XPO6: variants seen among roughly 807,000 people sequenced by gnomAD.
XPO6 encodes the protein exportin 6.
In XPO6, 3 loss-of-function variants were observed where a neutral mutation model predicts 130.0. That is an observed-to-expected ratio of 0.02 (90% CI 0.01 to 0.06). The LOEUF (loss-of-function observed/expected upper bound fraction) is 0.06. Among genes scored for constraint, XPO6 ranks in the 10% least tolerant of loss-of-function variants. XPO6 has a pLI of 1.00. For synonymous variants in XPO6, 524 were observed against 548.9 expected (o/e 0.95, Z 0.63); for missense variants, 970 against 1,393.0 (o/e 0.70, Z 4.83).
intron 2 of XPO6, among the ~76,000 whole-genome samples, chr16:28,179,801 A>T (rs1416670615): frequency 6.6e-6 from 1 of 152,170 alleles, no homozygotes; most frequent in Non-Finnish European, 1.5e-5. Flanking sequence ...ACTAGGTACA[A>T]AGAGAACTGA....
intron 4 of XPO6, among the ~76,000 whole-genome samples, chr16:28,175,260 T>A (rs1265649353): frequency 6.6e-6 from 1 of 152,028 alleles, no homozygotes; most frequent in African/African-American, 2.4e-5. Context: ...CCCTGCCTCT[T>A]TCCCTCTCAC....
intron 1 of XPO6, among the ~76,000 whole-genome samples, chr16:28,210,307 A>T (rs2044105658): frequency 6.6e-6 from 1 of 152,164 alleles, no homozygotes; most frequent in Non-Finnish European, 1.5e-5. Flanking sequence ...TCTGTATCAC[A>T]AAAGATGCAG....
intron 6 of XPO6, among the ~76,000 whole-genome samples, chr16:28,160,116 T>G (rs1046657299): frequency 7.9e-6 from 1 of 127,174 alleles, no homozygotes; most frequent in African/African-American, 3.1e-5. Context: ...ACCCGGGAGG[T>G]GGAGGTTGCA....
At chr16:28,207,335 T>G (rs938343473) in intron 1 of XPO6, among the ~76,000 whole-genome samples, 7 of 151,834 alleles carry the variant, frequency 4.6e-5, no homozygotes, top group Non-Finnish European at 8.8e-5. Flanking sequence ...AATGCTAATA[T>G]AAGCAAAAAC....
intron 1 of XPO6, among the ~76,000 whole-genome samples, chr16:28,206,888 T>A (rs2044039397): frequency 6.6e-6 from 1 of 152,110 alleles, no homozygotes. Context: ...TGACATGCCA[T>A]GTGAGTGGCT....
chr16:28,128,756 C>T (rs1456482844), intron 12 of XPO6, among the ~76,000 whole-genome samples: 2 of 152,162 alleles, frequency 1.3e-5, no homozygotes, highest in Non-Finnish European at 2.9e-5. Context: ...GGGAGCCCTT[C>T]CATCTCTGGA....
At chr16:28,149,121 C>G (rs548220308) in intron 8 of XPO6, among the ~76,000 whole-genome samples, 45 of 151,278 alleles carry the variant, frequency 3.0e-4, no homozygotes, top group Non-Finnish European at 5.0e-4. Context: ...GCCCTCCCCC[C>G]CAGGGTATAC....
chr16:28,192,334 T>C (rs1200085280), intron 1 of XPO6, among the ~76,000 whole-genome samples: 1 of 151,738 alleles, frequency 6.6e-6, no homozygotes, highest in Non-Finnish European at 1.5e-5. Context: ...ACATTACTAC[T>C]GGGAACTGGG....
In XPO6 at chr16:28,176,698, C is replaced by T. The variant is rs550943852; in HGVS notation, c.207+522G>A. ...TTTTTTTTTGCATTTTTAGTAGAGA[C>T]GGGGTTTCACCTTATTAGCCAGGAT... On this transcript the variant is annotated intron_variant, in intron 3 of 23. Coordinates refer to ENST00000304658, the MANE Select transcript of XPO6 (RefSeq NM_015171.4). 2.0e-5 allele frequency among the ~76,000 whole-genome samples: 3 copies of T among 148,512 alleles called. No homozygotes were observed. The South Asian group carries it at 6.4e-4, about 31-fold the overall frequency.
intron 1 of XPO6, among the ~76,000 whole-genome samples, chr16:28,203,517 A>G (rs796202863): frequency 3.7e-4 from 57 of 152,278 alleles, no homozygotes; most frequent in African/African-American, 1.3e-3. Context: ...TCATGTCAAC[A>G]GCGCCACAAC....
chr16:28,113,040 T>C lies in XPO6; in HGVS notation c.2015A>G (p.Lys672Arg), dbSNP rs1219371735. The change falls in exon 16 of 24, where the codon AAG (lysine) becomes AGG (arginine). Residue 672 changes from lysine to arginine, a missense_variant. Lys to Arg is a conservative substitution (Grantham distance 26). This residue lies in a region of XPO6 where 936 missense variants were observed against 1,306.8 expected (regional missense o/e 0.72). Coordinates refer to ENST00000304658, the MANE Select transcript of XPO6 (RefSeq NM_015171.4). ...TAAGTGGCACGCAGATAGCAGCAGCTTGTCTTGGACCTGCAGAGGGAAGAG... is the reference window on the plus strand; with the variant it reads ...TAAGTGGCACGCAGATAGCAGCAGCCTGTCTTGGACCTGCAGAGGGAAGAG... ...TPLISTKVQD[K>R]LLLSACHLLV... is the part of the protein sequence containing the mutation. The C allele has an allele frequency of 3.1e-6, 5 of 1,613,802 alleles. No individual in the cohort carries two copies. The highest frequency in any genetic ancestry group is 1.1e-5 in the South Asian group (1 of 91,048).
rs1473125220 is a variant in XPO6, at chr16:28,107,696, T to G, written c.2342-19A>C. Reference sequence around the variant, plus strand: ...AGTTTGGCTGCAAATCAAGATGAGTTGCAGGTTATAAGCTGTCTGGGGAGA... The same window carrying G: ...AGTTTGGCTGCAAATCAAGATGAGTGGCAGGTTATAAGCTGTCTGGGGAGA... On this transcript the variant is annotated intron_variant, in intron 17 of 23. Coordinates refer to ENST00000304658, the MANE Select transcript of XPO6 (RefSeq NM_015171.4). The G allele has an allele frequency of 6.2e-7, 1 of 1,612,864 alleles. No homozygotes were observed.
intron 1 of XPO6, among the ~76,000 whole-genome samples, chr16:28,182,101 T>G (rs1450706952): frequency 6.6e-6 from 1 of 152,190 alleles, no homozygotes. Context: ...GCAGCAGTTG[T>G]GATTATTTAA....
rs779055172 is a variant in XPO6 at position 28,111,938 on chromosome 16, A to G, written c.2220T>C (p.Asn740=). 5.6e-6 allele frequency: 9 copies of G among 1,614,154 alleles called. No homozygotes were observed. In the East Asian group the frequency reaches 1.8e-4, roughly 32 times the overall value. ...TGGAGCGCACGGGCCACTGCTGCTC[A>G]TTCTCTGGAAGGTTTGGCCACGGAA... is the stretch of plus-strand genomic sequence containing the variant. ...LLLPWPNLPE[N]EQQWPVRSIN... is the part of the protein sequence containing the mutation. Residue 740 remains asparagine (N), a synonymous_variant, in exon 17 of 24, where the codon AAT becomes AAC. Coordinates refer to ENST00000304658, the MANE Select transcript of XPO6 (RefSeq NM_015171.4).
At position 28,211,717 on chromosome 16, in the gene XPO6, G is replaced by A. The variant is rs1420773853; in HGVS notation, c.-349C>T. The A allele has an allele frequency of 1.1e-5, 4 of 374,868 alleles. No homozygotes were observed. In the East Asian group the frequency reaches 1.1e-4, roughly 11 times the overall value. The allele number at this position is 374,868 out of a possible 1,614,324, so 23.2% of individuals were successfully genotyped here. On this transcript the variant is annotated 5_prime_UTR_variant, in exon 1 of 24. Coordinates refer to ENST00000304658, the MANE Select transcript of XPO6 (RefSeq NM_015171.4). ...CTGCGGGCCCAGGCAGGGGCTCCCC[G>A]GCCTCCGCGGGCAGAGGTGGCGGCG...
chr16:28,176,687 T>C (rs2043540126), intron 3 of XPO6, among the ~76,000 whole-genome samples: 1 of 151,360 alleles, frequency 6.6e-6, no homozygotes, highest in Non-Finnish European at 1.5e-5. Flanking sequence ...TTTTTGCATT[T>C]TTAGTAGAGA....
At chr16:28,175,223 G>A (rs74014242) in intron 4 of XPO6, among the ~76,000 whole-genome samples, 8,292 of 151,604 alleles carry the variant, frequency 0.055, 578 homozygotes, top group East Asian at 0.18. Context: ...CCACCAGGTC[G>A]TCTCCTTTTG....
At chr16:28,117,802 C>A (rs145505564) in intron 14 of XPO6, among the ~76,000 whole-genome samples, 131 of 152,290 alleles carry the variant, frequency 8.6e-4, no homozygotes, top group Non-Finnish European at 1.4e-3. Flanking sequence ...AGAACTAGTA[C>A]AAATTTAACA....
rs760065501 is a variant in XPO6 at position 28,125,781 on chromosome 16, G to A, written c.1674C>T (p.Ser558=). Residue 558 remains serine, a synonymous_variant, in exon 13 of 24, where the codon AGC becomes AGT. Transcript: ENST00000304658. The part of the protein sequence containing the change: ...RRLHCSLRDL[S]SLLQAVGRLA... ...GGCGGCCCACGGCCTGCAGCAGGGAGCTCAAGTCTCTCAGGGAGCAGTGCA... is the reference window on the plus strand; with the variant it reads ...GGCGGCCCACGGCCTGCAGCAGGGAACTCAAGTCTCTCAGGGAGCAGTGCA... The A allele has an allele frequency of 3.1e-6, 5 of 1,614,100 alleles. No individual in the cohort carries two copies. Among genetic ancestry groups the A allele is most frequent in the East Asian group, 4.5e-5 (2 of 44,898 alleles).
Sources: allele counts gnomAD v4.1 joint callset (sites outside exome capture counted in the v4.1 genomes callset), GRCh38; gene constraint gnomAD v4.1.1; regional missense constraint gnomAD v4.1.1; transcripts MANE v1.5; gene names NCBI Gene and HGNC (gene_info 2026-07-23, HGNC 2026-07-21).